Variants in PCDHA2 observed in about 807,000 individuals in gnomAD.
PCDHA2 encodes the protein protocadherin alpha 2, also known as protocadherin alpha-2.
A neutral mutation model predicts 66.0 loss-of-function variants in PCDHA2; 58 were observed. The ratio of observed to expected loss-of-function variants is 0.88; its 90% CI spans 0.71 to 1.09. The LOEUF is 1.09. PCDHA2 is among the 50% of genes least tolerant of loss of function. PCDHA2 has a pLI of 0.00. For missense variants in PCDHA2, 1,267 were observed against 1,242.3 expected (o/e 1.02, Z -0.30); for synonymous variants, 634 against 554.0 (o/e 1.14, Z -2.03).
chr5:140,808,676 C>T (rs369858637), intron 1 of PCDHA2: 3 of 1,612,726 alleles, frequency 1.9e-6, no homozygotes, highest in Non-Finnish European at 2.5e-6. Flanking sequence ...GCTGGTAGAG[C>T]GGCGGGTAGG....
intron 1 of PCDHA2, chr5:140,825,958 CT>C (rs1175194482): frequency 1.3e-5 from 2 of 152,338 alleles, no homozygotes; most frequent in African/African-American, 2.4e-5. Flanking sequence ...CATTTGTCTA[CT>C]CTTTTGAGGG....
At chr5:140,946,611 A>ATATATATATATATATATATATATAT (rs2093972523) in intron 1 of PCDHA2, among the ~76,000 whole-genome samples, 1 of 86,812 alleles carries the variant, frequency 1.2e-5, no homozygotes, top group African/African-American at 6.4e-5. Context: ...GAAAATGTGA[A>ATATATATATATATATATATATATAT]ATATATATAT....
At chr5:140,798,189 AAGC>A (rs1762301906) in intron 1 of PCDHA2, among the ~76,000 whole-genome samples, 2 of 152,106 alleles carry the variant, frequency 1.3e-5, no homozygotes, top group South Asian at 4.1e-4. Context: ...TTGTATTTGA[AAGC>A]AGCCTGAGTG....
rs57893927 is a variant in PCDHA2 at position 140,946,631 on chromosome 5, T to TATATATATATATACACAC, written c.2389-32317_2389-32316insTATATATATATACACACA. ...TGTGAAATATATATATATATATATA[T>TATATATATATATACACAC]ACAATGGAATACTCATCAGCCATTA... On this transcript the variant is annotated intron_variant, in intron 1 of 3. Transcript: ENST00000526136. Among the ~76,000 whole-genome samples the TATATATATATATACACAC allele has an allele frequency of 9.9e-5, 13 of 131,856 alleles. 1 individual carries two copies. The East Asian group carries it at 2.7e-3, about 27-fold the overall frequency. 86.5% of individuals were successfully genotyped at this position (131,856 alleles called of 152,430 possible). A position where few individuals can be genotyped will look rare whatever the true frequency, so the allele number is the denominator to read the frequency against.
chr5:140,797,468 G>T, intron 1 of PCDHA2, 116 bp downstream of exon 1: 1 of 1,229,416 alleles, frequency 8.1e-7, no homozygotes, highest in South Asian at 1.5e-5. Flanking sequence ...TCATCCTACC[G>T]TGCGATTTTG....
intron 1 of PCDHA2, chr5:140,869,236 G>C (rs781873875): frequency 1.2e-6 from 2 of 1,613,674 alleles, no homozygotes; most frequent in South Asian, 2.2e-5. Flanking sequence ...CGGCACCTTC[G>C]TGGGCCGCAT....
At position 140,926,980 on chromosome 5, in the gene PCDHA2, A is replaced by T. The variant is rs781916280; in HGVS notation, c.2389-51969A>T. ...GCTCGAGTACTCAGTGCCGGAGGAG[A>T]CGGAGCGGGGCGTAGCCGTAGGCAA... On this transcript the variant is annotated intron_variant, in intron 1 of 3. Transcript: ENST00000526136. The T allele has an allele frequency of 1.9e-6, 3 of 1,610,246 alleles. No individual in the cohort carries two copies. The Admixed American group carries it at 5.0e-5, about 27-fold the overall frequency.
intron 1 of PCDHA2, among the ~76,000 whole-genome samples, chr5:140,970,399 G>A (rs2096402631): frequency 6.6e-6 from 1 of 152,172 alleles, no homozygotes; most frequent in Non-Finnish European, 1.5e-5. Flanking sequence ...AAAGTGGATG[G>A]CTTACCCTAC....
Position 140,795,149 on chromosome 5 carries a change from G to C in PCDHA2, c.185G>C (p.Arg62Pro). The change falls in exon 1 of 4, where the codon CGC becomes CCC. Residue 62 changes from arginine (R) to proline (P), a missense_variant. Coordinates refer to ENST00000526136, the MANE Select transcript of PCDHA2 (RefSeq NM_018905.3). ...CTGGAGCTGGAGGAGCTGGTGCCGCGCCTGTTCCGGGTGGCGTCCAAAAGA... is the reference window on the plus strand; with the variant it reads ...CTGGAGCTGGAGGAGCTGGTGCCGCCCCTGTTCCGGGTGGCGTCCAAAAGA... The part of the protein sequence containing the change: ...LGLELEELVP[R>P]LFRVASKRHG... The C allele has an allele frequency of 1.2e-6, 2 of 1,614,036 alleles. No homozygotes were observed. Among genetic ancestry groups the C allele is most frequent in the Non-Finnish European group, 1.7e-6 (2 of 1,180,032 alleles).
At chr5:140,805,016 C>A (rs879973697) in intron 1 of PCDHA2, 2 of 1,562,148 alleles carry the variant, frequency 1.3e-6, no homozygotes, top group South Asian at 1.2e-5. Flanking sequence ...CTGTTATCAG[C>A]TTCTTGAATA....
chr5:140,980,360 G>A (rs1173525969), intron 2 of PCDHA2, among the ~76,000 whole-genome samples: 4 of 152,142 alleles, frequency 2.6e-5, no homozygotes, highest in Middle Eastern at 3.2e-3. Context: ...GACTGGGCGC[G>A]GTGGCTCACA....
chr5:140,883,568 T>C, intron 1 of PCDHA2: 3 of 1,614,110 alleles, frequency 1.9e-6, no homozygotes, highest in Non-Finnish European at 2.5e-6. Context: ...GGGCTCGCCT[T>C]CGCTGTGGGC....
At chr5:140,888,972 G>A (rs900678700) in intron 1 of PCDHA2, among the ~76,000 whole-genome samples, 15 of 151,928 alleles carry the variant, frequency 9.9e-5, no homozygotes, top group Non-Finnish European at 4.4e-5. Context: ...TTAATGTGTT[G>A]AATTTATGAT....
intron 1 of PCDHA2, among the ~76,000 whole-genome samples, chr5:140,937,756 C>CA (rs2091723973): frequency 1.3e-5 from 2 of 151,360 alleles, no homozygotes; most frequent in African/African-American, 4.9e-5. Flanking sequence ...ACTAAAAATA[C>CA]AAAAAATTAG....
chr5:140,948,943 A>G (rs2094326850), intron 1 of PCDHA2, among the ~76,000 whole-genome samples: 1 of 71,272 alleles, frequency 1.4e-5, no homozygotes, highest in African/African-American at 4.3e-5. Context: ...CTTCTAATAT[A>G]AAAAAATTAA....
chr5:140,969,214 A>G (rs906572071), intron 1 of PCDHA2: 5 of 1,614,194 alleles, frequency 3.1e-6, no homozygotes, highest in Non-Finnish European at 4.2e-6. Context: ...CCCAGACAGG[A>G]CCAGGGCCTT....
At position 140,829,810 on chromosome 5, in the gene PCDHA2, T is replaced by C. The variant is rs144082627; in HGVS notation, c.2388+32458T>C. The stretch of plus-strand genomic sequence containing the variant: ...TGCTGGCGCCTCGGGTGGGTGGTAC[T>C]GGTGGTGCAGTGAGCGAGCTGGTGC... On this transcript the variant is annotated intron_variant, in intron 1 of 3. Transcript: ENST00000526136. The C allele has an allele frequency of 1.0e-3, 1,632 of 1,613,866 alleles. 19 individuals are homozygous for C. In the African/African-American group the frequency reaches 0.019, roughly 19 times the overall value.
intron 1 of PCDHA2, chr5:140,875,900 C>G (rs1554168051): frequency 1.2e-6 from 2 of 1,614,174 alleles, no homozygotes; most frequent in South Asian, 2.2e-5. Flanking sequence ...GTACCTGTTT[C>G]TGAATCTGCG....
At position 140,876,601 on chromosome 5, in the gene PCDHA2, C is replaced by A. The variant is rs143847585; in HGVS notation, c.2388+79249C>A. The A allele has an allele frequency of 2.5e-4, 409 of 1,614,152 alleles. No individual in the cohort carries two copies. The highest frequency in any genetic ancestry group is 3.3e-4 in the Non-Finnish European group (387 of 1,180,034). ...CATTGCCCTGATTAGCGTGTCGGAT[C>A]GTGACTCTGGAGCCAATGGACAGGT... On this transcript the variant is annotated intron_variant, in intron 1 of 3. Coordinates refer to ENST00000526136, the MANE Select transcript of PCDHA2 (RefSeq NM_018905.3).
Sources: allele counts gnomAD v4.1 joint callset (sites outside exome capture counted in the v4.1 genomes callset), GRCh38; gene constraint gnomAD v4.1.1; transcripts MANE v1.5; gene names NCBI Gene and HGNC (gene_info 2026-07-23, HGNC 2026-07-21).